The following SLC4A10 variants were observed in gnomAD, a reference collection of about 807,000 sequenced individuals.
The protein encoded by SLC4A10 is sodium-driven chloride bicarbonate exchanger.
Under a neutral mutation model 137.7 loss-of-function variants are expected in SLC4A10, and 42 were observed. The observed-to-expected ratio is 0.30, with a 90% CI of 0.24 to 0.39. The LOEUF is 0.39. Ranked by LOEUF, SLC4A10 falls within the 10% of genes least tolerant of loss-of-function variation. SLC4A10 has a pLI of 1.00. For synonymous variants in SLC4A10, 474 were observed against 464.1 expected (o/e 1.02, Z -0.27); for missense variants, 925 against 1,355.0 (o/e 0.68, Z 4.98).
chr2:161,941,829 C>T (rs1692760510), intron 15 of SLC4A10, among the ~76,000 whole-genome samples: 1 of 152,130 alleles, frequency 6.6e-6, no homozygotes, highest in South Asian at 2.1e-4. Context: ...ACTGTTCCAT[C>T]ATAGACAGGA....
At chr2:161,943,271 C>T (rs185092051) in intron 16 of SLC4A10, among the ~76,000 whole-genome samples, 1 of 152,156 alleles carries the variant, frequency 6.6e-6, no homozygotes, top group African/African-American at 2.4e-5. Flanking sequence ...TCCAGCTGTT[C>T]CGGATCTGCT....
chr2:161,713,623 G>A (rs1297303431), intron 1 of SLC4A10, among the ~76,000 whole-genome samples: 1 of 151,674 alleles, frequency 6.6e-6, no homozygotes, highest in Non-Finnish European at 1.5e-5. Flanking sequence ...ACAATCTAGT[G>A]GGATCATTTT....
intron 15 of SLC4A10, among the ~76,000 whole-genome samples, chr2:161,924,640 C>G (rs143833809): frequency 1.3e-5 from 2 of 152,220 alleles, no homozygotes; most frequent in African/African-American, 2.4e-5. Context: ...CTAGAGATAG[C>G]TTTGACAGGG....
chr2:161,849,707 T>A (rs2059713910), intron 4 of SLC4A10, among the ~76,000 whole-genome samples: 2 of 152,198 alleles, frequency 1.3e-5, no homozygotes, highest in Non-Finnish European at 2.9e-5. Context: ...TAACATTTAT[T>A]GATTTGCATA....
rs7564535 is a variant in SLC4A10 at position 161,853,054 on chromosome 2, G to A, written c.417-1916G>A. Reference sequence around the variant, plus strand: ...ATATTGAAATCATAATGTGACTATGGCCTTATTCTCATATCTGACAAGAAA... The same window carrying A: ...ATATTGAAATCATAATGTGACTATGACCTTATTCTCATATCTGACAAGAAA... On this transcript the variant is annotated intron_variant, in intron 4 of 26. Transcript: ENST00000446997. Among the ~76,000 whole-genome samples, 243 of 152,112 alleles carry A rather than the reference G, an allele frequency of 1.6e-3. 1 individual carries two copies. Among genetic ancestry groups the A allele is most frequent in the African/African-American group, 5.7e-3 (236 of 41,496 alleles).
intron 2 of SLC4A10, among the ~76,000 whole-genome samples, chr2:161,786,809 C>T (rs1192782841): frequency 6.7e-6 from 1 of 150,050 alleles, no homozygotes; most frequent in Non-Finnish European, 1.5e-5. Flanking sequence ...AAAGAGTATA[C>T]TCTTTTCTGT....
intron 19 of SLC4A10, among the ~76,000 whole-genome samples, chr2:161,951,535 G>A (rs932305098): frequency 1.3e-4 from 20 of 152,196 alleles, no homozygotes; most frequent in South Asian, 6.2e-4. Context: ...AAATAAAATC[G>A]ATGAAATCAT....
intron 4 of SLC4A10, among the ~76,000 whole-genome samples, chr2:161,847,516 T>G (rs1371383833): frequency 6.6e-6 from 1 of 151,976 alleles, no homozygotes. Flanking sequence ...ACCGAATAGG[T>G]AGTTTTCGAT....
chr2:161,640,992 TC>T (rs2035239880), intron 1 of SLC4A10, among the ~76,000 whole-genome samples: 1 of 152,292 alleles, frequency 6.6e-6, no homozygotes, highest in Admixed American at 6.5e-5. Flanking sequence ...GGTATAAGTC[TC>T]CAGCCTCATC....
At chr2:161,753,620 TTAG>T (rs1231440698) in intron 1 of SLC4A10, among the ~76,000 whole-genome samples, 2 of 152,098 alleles carry the variant, frequency 1.3e-5, no homozygotes, top group Non-Finnish European at 2.9e-5. Context: ...GTCATAGCTA[TTAG>T]TAGTAGTAGT....
At chr2:161,956,886 G>A (rs1695765801) in intron 19 of SLC4A10, 103 bp from the exon 20 acceptor site, 7 of 1,257,980 alleles carry the variant, frequency 5.6e-6, no homozygotes, top group Non-Finnish European at 6.4e-6. Context: ...GATATGAAGG[G>A]CTTGTTGAGT....
chr2:161,851,360 T>A (rs2059821065), intron 4 of SLC4A10, among the ~76,000 whole-genome samples: 1 of 152,186 alleles, frequency 6.6e-6, no homozygotes, highest in South Asian at 2.1e-4. Flanking sequence ...TCTTCCTAAG[T>A]CTCTAAGAAC....
At chr2:161,865,504 A>G (rs1355635761) in intron 6 of SLC4A10, among the ~76,000 whole-genome samples, 14 of 152,092 alleles carry the variant, frequency 9.2e-5, no homozygotes, top group Admixed American at 9.2e-4. Context: ...AACATTTCTA[A>G]TAAGATTCAT....
At chr2:161,850,840 C>T (rs62187750) in intron 4 of SLC4A10, among the ~76,000 whole-genome samples, 9,242 of 151,862 alleles carry the variant, frequency 0.061, 371 homozygotes, top group East Asian at 0.13. Context: ...TTTTTTATGT[C>T]GACATTTAGC....
rs761064410 is a variant in SLC4A10, at chr2:161,854,979, G to A, written c.426G>A (p.Lys142=). The change falls in exon 5 of 27, where the codon AAG becomes AAA. Residue 142 remains lysine (K), a synonymous_variant. Transcript: ENST00000446997. ...AEWRETARWL[K]FEEDVEDGGE... ...ATATTTGTTTGTATAGGTGGTTGAA[G>A]TTTGAAGAAGATGTGGAAGATGGAG... 2 of 1,612,464 alleles carry A rather than the reference G, an allele frequency of 1.2e-6. No individual in the cohort carries two copies. Among genetic ancestry groups the A allele is most frequent in the African/African-American group, 1.3e-5 (1 of 74,984 alleles).
At chr2:161,966,240 T>C (rs1697555549) in intron 23 of SLC4A10, among the ~76,000 whole-genome samples, 1 of 152,204 alleles carries the variant, frequency 6.6e-6, no homozygotes, top group Admixed American at 6.5e-5. Flanking sequence ...CATGGTGTTC[T>C]ATCACTAACA....
chr2:161,737,644 C>G (rs1426461834), intron 1 of SLC4A10, among the ~76,000 whole-genome samples: 1 of 152,074 alleles, frequency 6.6e-6, no homozygotes, highest in Non-Finnish European at 1.5e-5. Context: ...TTTACAAGTA[C>G]AGTGTTCATT....
chr2:161,981,363 G>T (rs949926013), intron 26 of SLC4A10, among the ~76,000 whole-genome samples: 1 of 152,132 alleles, frequency 6.6e-6, no homozygotes, highest in African/African-American at 2.4e-5. Context: ...CATTGGAATT[G>T]GGAATACCAG....
At chr2:161,867,956 C>A (rs577843716) in intron 6 of SLC4A10, among the ~76,000 whole-genome samples, 68 of 152,010 alleles carry the variant, frequency 4.5e-4, no homozygotes, top group Admixed American at 4.5e-3. Context: ...GTAGTGTAAA[C>A]CAGCTTGGTC....
Sources: gnomAD v4.1 joint callset for allele counts (sites outside exome capture counted in the v4.1 genomes callset) on GRCh38, gnomAD v4.1.1 for gene constraint, MANE v1.5 for transcripts, NCBI Gene and HGNC (gene_info 2026-07-23, HGNC 2026-07-21) for gene names.